Variants in ATAD3B observed in about 807,000 individuals in gnomAD.
The protein encoded by ATAD3B is ATPase family AAA domain containing 3B.
In ATAD3B, 59 loss-of-function variants were observed where a neutral mutation model predicts 70.2. That is an observed-to-expected ratio of 0.84 (90% CI 0.68 to 1.04). ATAD3B has a LOEUF of 1.04. ATAD3B is among the 50% of genes least tolerant of loss of function. The pLI is 0.00. For synonymous variants in ATAD3B, 423 were observed against 388.6 expected, an observed-to-expected ratio of 1.09 and a Z score of -1.04; for missense variants, 961 against 913.4, an observed-to-expected ratio of 1.05 and a Z score of -0.67.
At chr1:1,503,748 G>A in the ATAD3B span, 2 of 1,569,196 alleles carry the variant, frequency 1.3e-6, no homozygotes, top group East Asian at 2.3e-5. Flanking sequence ...GGTGGGTAGG[G>A]CTGGTGGCAT....
rs201433699 is a variant in ATAD3B at position 1,490,338 on chromosome 1, C to T, written c.1419C>T (p.Phe473=). 5.5e-5 allele frequency: 89 copies of T among 1,613,280 alleles called. No individual in the cohort carries two copies. The highest frequency in any genetic ancestry group is 3.3e-4 in the Middle Eastern group (2 of 6,062). Reference sequence around the variant, plus strand: ...GCCGCATTGACGTGATGGTCCACTTCGACCTGCCGCAGCAGGAGGAGCGGG... The same window carrying T: ...GCCGCATTGACGTGATGGTCCACTTTGACCTGCCGCAGCAGGAGGAGCGGG... The part of the protein sequence containing the change: ...INSRIDVMVH[F]DLPQQEERER... The change falls in exon 14 of 16, where the codon TTC becomes TTT. Residue 473 remains phenylalanine, a synonymous_variant. Transcript: ENST00000673477.
intron 4 of ATAD3B, among the ~76,000 whole-genome samples, chr1:1,480,324 C>T (rs763543845): frequency 1.4e-5 from 2 of 145,846 alleles, no homozygotes; most frequent in South Asian, 2.2e-4. Context: ...TCTCCAGGCA[C>T]GACAAGCCTC....
At chr1:1,509,298 C>G in the ATAD3B span, 1 of 1,612,490 alleles carries the variant, frequency 6.2e-7, no homozygotes, top group Non-Finnish European at 8.5e-7. Context: ...GCAGATGATG[C>G]GCTGGCTGAA....
chr1:1,486,754 G>C, intron 11 of ATAD3B, 86 bp downstream of exon 11: 1 of 1,483,816 alleles, frequency 6.7e-7, no homozygotes, highest in East Asian at 2.4e-5. Context: ...TGTCTCTTGG[G>C]GACCCTGTCT....
chr1:1,508,570 C>T, the ATAD3B span, among the ~76,000 whole-genome samples: 4 of 151,468 alleles, frequency 2.6e-5, no homozygotes, highest in Non-Finnish European at 5.9e-5. Context: ...ACGGGTGACT[C>T]CCTTTGGGGA....
intron 14 of ATAD3B, 36 bp from the exon 15 acceptor site, chr1:1,490,527 G>C: frequency 6.2e-7 from 1 of 1,611,044 alleles, no homozygotes; most frequent in South Asian, 1.1e-5. Flanking sequence ...TGGGGTCCGC[G>C]GCCTTGGCTG....
At chr1:1,493,211 C>T (rs1640624186) in intron 15 of ATAD3B, among the ~76,000 whole-genome samples, 1 of 151,906 alleles carries the variant, frequency 6.6e-6, no homozygotes, top group Admixed American at 6.6e-5. Context: ...GGTGATTTTA[C>T]CTCTCCCTTT....
the ATAD3B span, chr1:1,503,148 C>G: frequency 6.3e-6 from 1 of 158,978 alleles, no homozygotes; most frequent in African/African-American, 2.4e-5. Context: ...GGCACGAACC[C>G]GAGAGGTGGA....
rs1422191684 is a variant in ATAD3B at position 1,482,577 on chromosome 1, G to A, written c.713G>A (p.Arg238His). 42 of 1,613,214 alleles carry A rather than the reference G, an allele frequency of 2.6e-5. No individual in the cohort carries two copies. The highest frequency in any genetic ancestry group is 4.5e-5 in the East Asian group (2 of 44,888). Residue 238 changes from arginine to histidine, a missense_variant, in exon 7 of 16, where the codon CGT becomes CAT. Physicochemically the swap from Arg to His is conservative, Grantham distance 29. Transcript: ENST00000673477. ...TAGTLFGEGF[R>H]AFVTDRDKVT... ...GGCACCTTGTTTGGGGAAGGATTCC[G>A]TGCCTTTGTGACAGACCGGGACAAA... is the stretch of plus-strand genomic sequence containing the variant.
intron 11 of ATAD3B, among the ~76,000 whole-genome samples, chr1:1,487,481 C>G (rs1312449843): frequency 6.8e-6 from 1 of 146,370 alleles, no homozygotes; most frequent in Non-Finnish European, 1.5e-5. Context: ...GAGCGAGACT[C>G]TGTCTCAAAA....
the ATAD3B span, chr1:1,503,181 G>T: frequency 6.0e-6 from 1 of 166,028 alleles, no homozygotes; most frequent in African/African-American, 2.4e-5. Context: ...CCGAGATAGC[G>T]CCACTGCACT....
At chr1:1,475,238 T>G (rs1157195672) in intron 1 of ATAD3B, among the ~76,000 whole-genome samples, 2 of 148,878 alleles carry the variant, frequency 1.3e-5, no homozygotes, top group Non-Finnish European at 2.9e-5. Flanking sequence ...CCATCAGGCT[T>G]TTGTTTCTGT....
intron 8 of ATAD3B, 99 bp from the exon 9 acceptor site, chr1:1,485,683 A>G: frequency 6.5e-7 from 1 of 1,541,704 alleles, no homozygotes; most frequent in Non-Finnish European, 8.8e-7. Flanking sequence ...GCTTTGGGGC[A>G]GCTCCGTTTC....
At chr1:1,481,999 G>A (rs1056619144) in intron 5 of ATAD3B, 139 bp from the exon 6 acceptor site, 18 of 1,393,908 alleles carry the variant, frequency 1.3e-5, no homozygotes, top group South Asian at 2.8e-5. Flanking sequence ...GGCGTGGGCC[G>A]GTCCGTGGCA....
At chr1:1,479,721 C>A (rs1557797087) in intron 4 of ATAD3B, among the ~76,000 whole-genome samples, 1 of 144,750 alleles carries the variant, frequency 6.9e-6, no homozygotes, top group Non-Finnish European at 1.5e-5. Context: ...CACGCACCTC[C>A]CACACACACC....
At chr1:1,505,035 A>C in the ATAD3B span, among the ~76,000 whole-genome samples, 2 of 152,142 alleles carry the variant, frequency 1.3e-5, no homozygotes, top group South Asian at 4.2e-4. Flanking sequence ...TGTAGAAATA[A>C]AGACACAAGA....
intron 15 of ATAD3B, 127 bp from the exon 16 acceptor site, chr1:1,495,358 C>T: frequency 1.5e-6 from 2 of 1,308,650 alleles, no homozygotes; most frequent in Non-Finnish European, 1.0e-6. Context: ...GTGTGGGAAG[C>T]CTGTGTTTCA....
At chr1:1,500,551 C>G (rs980646242), downstream of ATAD3B, among the ~76,000 whole-genome samples, 1 of 135,774 alleles carries the variant, frequency 7.4e-6, no homozygotes, top group Non-Finnish European at 1.5e-5. Flanking sequence ...GAGACTCCGT[C>G]TCAAAAAAAA....
At chr1:1,509,327 C>A in the ATAD3B span, 105 of 1,611,688 alleles carry the variant, frequency 6.5e-5, no homozygotes, top group Non-Finnish European at 1.4e-5. Context: ...GGCCTGGGCC[C>A]GAGGACGAGC....
Sources: allele counts gnomAD v4.1 joint callset (sites outside exome capture counted in the v4.1 genomes callset), GRCh38; gene constraint gnomAD v4.1.1; transcripts MANE v1.5; gene names NCBI Gene and HGNC (gene_info 2026-07-23, HGNC 2026-07-21).